Variants in GLIS1 observed in about 807,000 individuals in gnomAD.
GLIS1 encodes zinc finger protein GLIS1.
A neutral mutation model predicts 63.8 loss-of-function variants in GLIS1; 24 were observed. That is an observed-to-expected ratio of 0.38 (90% CI 0.27 to 0.53). The LOEUF is 0.53. Ranked by LOEUF, GLIS1 falls within the 20% of genes least tolerant of loss-of-function variation. GLIS1 has a pLI of 0.85. For synonymous variants in GLIS1, 450 were observed against 482.5 expected (o/e 0.93, Z 0.88); for missense variants, 1,036 against 1,074.1 (o/e 0.96, Z 0.50).
Position 53,509,732 on chromosome 1 carries a change from A to G in GLIS1, c.2062+117T>C, listed in dbSNP as rs935080073. The G allele has an allele frequency of 1.3e-5, 8 of 604,432 alleles. No homozygotes were observed. In the Admixed American group the frequency reaches 2.2e-4, roughly 16 times the overall value. The allele number at this position is 604,432 out of a possible 1,614,324, so 37.4% of individuals were successfully genotyped here. A position where few individuals can be genotyped will look rare whatever the true frequency, so the allele number is the denominator to read the frequency against. On this transcript the variant is annotated intron_variant, in intron 9 of 10. Coordinates refer to ENST00000628545, the MANE Select transcript of GLIS1 (RefSeq NM_001367484.1). Reference sequence around the variant, plus strand: ...TAGCTTCTCTCAGCCCCCAGTGCCCAGCCGGTCATTCTCTGAGTACCTGCC... The same window carrying G: ...TAGCTTCTCTCAGCCCCCAGTGCCCGGCCGGTCATTCTCTGAGTACCTGCC...
chr1:53,597,368 G>GA (rs529996482), intron 3 of GLIS1, among the ~76,000 whole-genome samples: 7,813 of 99,906 alleles, frequency 0.078, 344 homozygotes, highest in Non-Finnish European at 0.1. Flanking sequence ...GCGAGACCCA[G>GA]AAAAAAAAAA....
intron 2 of GLIS1, among the ~76,000 whole-genome samples, chr1:53,629,559 T>G (rs1000439201): frequency 3.3e-5 from 5 of 152,184 alleles, no homozygotes; most frequent in African/African-American, 1.2e-4. Context: ...TGTTCCACTC[T>G]TCCCCAGCGT....
At chr1:53,733,914 G>C (rs1646888400) in intron 2 of GLIS1, 1 of 985,140 alleles carries the variant, frequency 1.0e-6, no homozygotes, top group Admixed American at 6.1e-5. Context: ...CTTTCTATGA[G>C]GGATGCGCTA....
intron 2 of GLIS1, among the ~76,000 whole-genome samples, chr1:53,694,797 C>G (rs761038576): frequency 4.6e-5 from 7 of 152,180 alleles, no homozygotes; most frequent in Non-Finnish European, 7.4e-5. Flanking sequence ...CTCAAAAAAT[C>G]CAGGCTGTAG....
chr1:53,693,244 C>T (rs1033463609), intron 2 of GLIS1, among the ~76,000 whole-genome samples: 1 of 152,198 alleles, frequency 6.6e-6, no homozygotes, highest in African/African-American at 2.4e-5. Flanking sequence ...CAGAGAAGGG[C>T]TGTAACTTGC....
intron 8 of GLIS1, among the ~76,000 whole-genome samples, chr1:53,514,001 G>GA (rs997715765): frequency 6.6e-6 from 1 of 152,240 alleles, no homozygotes; most frequent in African/African-American, 2.4e-5. Flanking sequence ...TCATTTGCAA[G>GA]AAAAACAGAT....
intron 2 of GLIS1, chr1:53,688,855 G>A (rs1441974241): frequency 6.6e-6 from 1 of 152,336 alleles, no homozygotes; most frequent in East Asian, 1.9e-4. Flanking sequence ...CCCAATGGCA[G>A]CGAATTCATT....
At position 53,514,631 on chromosome 1, in the gene GLIS1, C is replaced by T. The variant is rs372428642; in HGVS notation, c.1877G>A (p.Arg626Gln). Residue 626 changes from arginine to glutamine, a missense_variant, in exon 8 of 11, where the codon CGG (arginine) becomes CAG (glutamine). Physicochemically the swap from Arg to Gln is conservative, Grantham distance 43. Transcript: ENST00000628545. ...ACTGGCCTGGTGTACATACCCATCCCGGGTGCTCTCAGCCATGGGCAGAGG... is the reference window on the plus strand; with the variant it reads ...ACTGGCCTGGTGTACATACCCATCCTGGGTGCTCTCAGCCATGGGCAGAGG... ...LSPLPMAEST[R>Q]DGLGPGLLSP... 3.3e-5 allele frequency: 53 copies of T among 1,613,210 alleles called. No individual in the cohort carries two copies. The highest frequency in any genetic ancestry group is 2.4e-4 in the African/African-American group (18 of 74,810).
chr1:53,712,017 GTCAT>G (rs1646652171), intron 2 of GLIS1, among the ~76,000 whole-genome samples: 1 of 152,218 alleles, frequency 6.6e-6, no homozygotes, highest in African/African-American at 2.4e-5. Flanking sequence ...TCCTTAGGGA[GTCAT>G]TCAAGGCCCA....
intron 4 of GLIS1, among the ~76,000 whole-genome samples, chr1:53,546,901 C>T (rs1316551731): frequency 6.6e-6 from 1 of 151,986 alleles, no homozygotes; most frequent in African/African-American, 2.4e-5. Flanking sequence ...AGCCCCTGGA[C>T]TCAAGCATTG....
intron 2 of GLIS1, among the ~76,000 whole-genome samples, chr1:53,632,675 TGA>T (rs1645671537): frequency 7.2e-6 from 1 of 137,938 alleles, no homozygotes; most frequent in African/African-American, 2.8e-5. Context: ...GAGGGGTGTG[TGA>T]ATGAGTGTGA....
intron 2 of GLIS1, among the ~76,000 whole-genome samples, chr1:53,670,894 A>G (rs1646144050): frequency 6.6e-6 from 1 of 152,250 alleles, no homozygotes; most frequent in South Asian, 2.1e-4. Flanking sequence ...AAAAGCAGGC[A>G]ACAATCTAAA....
intron 4 of GLIS1, among the ~76,000 whole-genome samples, chr1:53,543,385 C>T (rs1347477341): frequency 1.3e-5 from 2 of 152,288 alleles, no homozygotes; most frequent in East Asian, 1.9e-4. Context: ...AAGGTGCCAC[C>T]GTAATCGCCT....
chr1:53,615,562 G>A (rs947540544), intron 2 of GLIS1, among the ~76,000 whole-genome samples: 1 of 152,140 alleles, frequency 6.6e-6, no homozygotes, highest in Admixed American at 6.5e-5. Flanking sequence ...GGTTGGGAGG[G>A]ATGGTCTAGT....
chr1:53,627,272 T>C (rs1488322305), intron 2 of GLIS1, among the ~76,000 whole-genome samples: 1 of 152,222 alleles, frequency 6.6e-6, no homozygotes, highest in African/African-American at 2.4e-5. Flanking sequence ...GGGAGGGTTC[T>C]ATTTCAGTGA....
rs1645013624 is a variant in GLIS1 at position 53,574,528 on chromosome 1, G to A, written c.1320+19580C>T. ...ACACCCACCTAAACACCATTGTACA[G>A]GTGAGGAAACAGAAGCTTCAGAAAG... On this transcript the variant is annotated intron_variant, in intron 4 of 10. Transcript: ENST00000628545. The surrounding 1 kb of genome is among the most constrained non-coding windows in gnomAD (Gnocchi z 4.2). Among the ~76,000 whole-genome samples, 1 of 152,158 alleles carries A rather than the reference G, an allele frequency of 6.6e-6. No homozygotes were observed. Among genetic ancestry groups the A allele is most frequent in the Non-Finnish European group, 1.5e-5 (1 of 68,024 alleles).
intron 8 of GLIS1, among the ~76,000 whole-genome samples, chr1:53,510,390 C>A (rs771338531): frequency 1.3e-5 from 2 of 152,212 alleles, no homozygotes; most frequent in Non-Finnish European, 2.9e-5. Context: ...TGGCTCACCA[C>A]CGGGCACGCT....
intron 4 of GLIS1, among the ~76,000 whole-genome samples, chr1:53,549,138 A>G (rs1332939233): frequency 6.6e-6 from 1 of 152,108 alleles, no homozygotes; most frequent in African/African-American, 2.4e-5. Context: ...ATGGCTAAAT[A>G]TTTTCCATTG....
intron 2 of GLIS1, among the ~76,000 whole-genome samples, chr1:53,701,100 G>A (rs141145996): frequency 1.3e-5 from 2 of 152,318 alleles, no homozygotes; most frequent in African/African-American, 4.8e-5. Context: ...CAAATTTCAT[G>A]TGGGCCCATG....
Sources: gnomAD v4.1 joint callset for allele counts (sites outside exome capture counted in the v4.1 genomes callset) on GRCh38, gnomAD v4.1.1 for gene constraint, Gnocchi (gnomAD v3.1) non-coding constraint, MANE v1.5 for transcripts, NCBI Gene and HGNC (gene_info 2026-07-23, HGNC 2026-07-21) for gene names.